The following MBD5 variants were observed in gnomAD, a reference collection of about 807,000 sequenced individuals.
The protein encoded by MBD5 is methyl-CpG binding domain protein 5.
A neutral mutation model predicts 117.3 loss-of-function variants in MBD5; 13 were observed. That is an observed-to-expected ratio of 0.11 (90% CI 0.07 to 0.18). The LOEUF is 0.18. Ranked by LOEUF, MBD5 falls within the 10% of genes least tolerant of loss-of-function variation. The pLI, the probability that MBD5 is intolerant of heterozygous loss-of-function variation, is 1.00. For synonymous variants in MBD5, 727 were observed against 766.4 expected (o/e 0.95, Z 0.85); for missense variants, 1,879 against 2,093.8 (o/e 0.90, Z 2.00).
At chr2:148,434,647 A>G (rs1204599517) in intron 4 of MBD5, among the ~76,000 whole-genome samples, 4 of 151,922 alleles carry the variant, frequency 2.6e-5, no homozygotes, top group Admixed American at 2.6e-4. Context: ...GGTTCTTTGC[A>G]TTTGCGAAGG....
chr2:148,303,254 G>GA (rs1193340033), intron 3 of MBD5, among the ~76,000 whole-genome samples: 5 of 152,166 alleles, frequency 3.3e-5, no homozygotes, highest in African/African-American at 1.2e-4. Context: ...TTAAGCTTCT[G>GA]AAGAATAAGG....
In MBD5 at chr2:148,035,338, A is replaced by G. The variant is rs1425459095; in HGVS notation, c.-925+13654A>G. Among the ~76,000 whole-genome samples, 5 of 152,188 alleles carry G rather than the reference A, an allele frequency of 3.3e-5. No individual in the cohort carries two copies. The East Asian group carries it at 7.7e-4, about 23-fold the overall frequency. On this transcript the variant is annotated intron_variant, in intron 1 of 13. Transcript: ENST00000642680. ...TTATATTACTATTAATAACTGTTCT[A>G]TAATCTGTATGTTATGCGTTAAAAA...
At chr2:148,210,424 G>A (rs1229887781) in intron 2 of MBD5, among the ~76,000 whole-genome samples, 1 of 151,764 alleles carries the variant, frequency 6.6e-6, no homozygotes, top group East Asian at 1.9e-4. Context: ...AAAATGACTG[G>A]CAAGCTCATA....
At chr2:148,316,585 ATACTT>A (rs1702163312) in intron 3 of MBD5, among the ~76,000 whole-genome samples, 1 of 152,172 alleles carries the variant, frequency 6.6e-6, no homozygotes, top group South Asian at 2.1e-4. Context: ...AAGTGTAGTG[ATACTT>A]TACATTTCTT....
At chr2:148,358,618 C>CAAA (rs35838466) in intron 4 of MBD5, among the ~76,000 whole-genome samples, 4 of 82,498 alleles carry the variant, frequency 4.8e-5, no homozygotes, top group Non-Finnish European at 9.4e-5. Flanking sequence ...ACTAAAAATA[C>CAAA]AAAAAAAAAA....
chr2:148,149,934 C>A (rs1457054854), intron 1 of MBD5, among the ~76,000 whole-genome samples: 1 of 140,418 alleles, frequency 7.1e-6, no homozygotes, highest in African/African-American at 2.7e-5. Context: ...TGCAGAAGCT[C>A]TTTAGTTTAA....
intron 2 of MBD5, among the ~76,000 whole-genome samples, chr2:148,222,684 C>A (rs1255539011): frequency 6.6e-6 from 1 of 151,708 alleles, no homozygotes; most frequent in Non-Finnish European, 1.5e-5. Flanking sequence ...GGGGTCTTTA[C>A]ATTTTTCCAA....
chr2:148,290,952 C>T (rs2106426840), intron 3 of MBD5, among the ~76,000 whole-genome samples: 1 of 152,334 alleles, frequency 6.6e-6, no homozygotes, highest in Admixed American at 6.5e-5. Context: ...TCCAAAACAG[C>T]TGCACCATTT....
chr2:148,503,741 G>A (rs1462696066), intron 12 of MBD5, among the ~76,000 whole-genome samples: 4 of 152,146 alleles, frequency 2.6e-5, no homozygotes, highest in Non-Finnish European at 1.5e-5. Context: ...CAGGGATCAA[G>A]GTCCCTTCTA....
intron 13 of MBD5, 106 bp downstream of exon 13, chr2:148,510,241 A>C: frequency 1.3e-6 from 1 of 762,292 alleles, no homozygotes; most frequent in Non-Finnish European, 2.3e-6. Context: ...ACATAGCAAT[A>C]CTAAATTACT....
intron 11 of MBD5, among the ~76,000 whole-genome samples, chr2:148,496,794 T>C (rs1202359549): frequency 1.3e-5 from 2 of 152,164 alleles, no homozygotes; most frequent in African/African-American, 4.8e-5. Context: ...CCTCAGATAA[T>C]GCCACTAAAT....
At chr2:148,245,380 C>A (rs77247417) in intron 3 of MBD5, among the ~76,000 whole-genome samples, 1 of 152,090 alleles carries the variant, frequency 6.6e-6, no homozygotes, top group Non-Finnish European at 1.5e-5. Context: ...CGCCCACCAC[C>A]ATTCCTGGCT....
intron 3 of MBD5, among the ~76,000 whole-genome samples, chr2:148,329,083 T>G (rs1238639162): frequency 3.3e-5 from 5 of 152,194 alleles, no homozygotes; most frequent in African/African-American, 4.8e-5. Context: ...TAATAGAGGG[T>G]GAGACAAAAA....
intron 3 of MBD5, among the ~76,000 whole-genome samples, chr2:148,283,707 G>A (rs1355216741): frequency 6.6e-6 from 1 of 152,042 alleles, no homozygotes; most frequent in Non-Finnish European, 1.5e-5. Flanking sequence ...TCCTTCACAT[G>A]CAAATATAGT....
chr2:148,360,613 T>C (rs189151824), intron 4 of MBD5, among the ~76,000 whole-genome samples: 18 of 152,312 alleles, frequency 1.2e-4, no homozygotes, highest in African/African-American at 3.8e-4. Context: ...CTGCTTTTTT[T>C]CCCCTATTCA....
chr2:148,026,074 A>T (rs1693882756), intron 1 of MBD5: 1 of 152,206 alleles, frequency 6.6e-6, no homozygotes, highest in Non-Finnish European at 1.5e-5. Context: ...GAAGGTGGGG[A>T]TGCCTCTGCT....
intron 3 of MBD5, among the ~76,000 whole-genome samples, chr2:148,330,188 C>G (rs956972428): frequency 2.2e-5 from 3 of 136,518 alleles, no homozygotes; most frequent in Non-Finnish European, 4.7e-5. Context: ...ATATGAGACT[C>G]CCAGCTTCTC....
At chr2:148,152,908 G>A (rs1174564248) in intron 1 of MBD5, among the ~76,000 whole-genome samples, 7 of 151,874 alleles carry the variant, frequency 4.6e-5, no homozygotes, top group African/African-American at 2.4e-5. Flanking sequence ...GCCAGTCTCT[G>A]TCTTTTAATT....
chr2:148,285,252 G>GA (rs1489090810), intron 3 of MBD5, among the ~76,000 whole-genome samples: 7 of 152,180 alleles, frequency 4.6e-5, no homozygotes, highest in Non-Finnish European at 1.0e-4. Context: ...AAAGAGAGTA[G>GA]AAAAAGTCAT....
Sources: gnomAD v4.1 joint callset for allele counts (sites outside exome capture counted in the v4.1 genomes callset) on GRCh38, gnomAD v4.1.1 for gene constraint, MANE v1.5 for transcripts, NCBI Gene and HGNC (gene_info 2026-07-23, HGNC 2026-07-21) for gene names.